The following TSPAN5 variants were observed in gnomAD, a reference collection of about 807,000 sequenced individuals.
TSPAN5 encodes tetraspanin-5.
A neutral mutation model predicts 37.1 loss-of-function variants in TSPAN5; 10 were observed. The ratio of observed to expected loss-of-function variants is 0.27; its 90% confidence interval spans 0.17 to 0.46. The LOEUF (loss-of-function observed/expected upper bound fraction) is 0.46. Ranked by LOEUF, TSPAN5 falls within the 20% of genes least tolerant of loss-of-function variation. The pLI is 1.00. For synonymous variants in TSPAN5, 110 were observed against 118.9 expected (o/e 0.93, Z 0.48); for missense variants, 195 against 326.6 (o/e 0.60, Z 3.11).
intron 1 of TSPAN5, among the ~76,000 whole-genome samples, chr4:98,609,027 G>A (rs1036799078): frequency 1.3e-5 from 2 of 152,020 alleles, no homozygotes; most frequent in African/African-American, 2.4e-5. Context: ...TCTCTTGCAC[G>A]AGACTTACAT....
intron 1 of TSPAN5, among the ~76,000 whole-genome samples, chr4:98,652,145 C>A (rs1205600547): frequency 6.6e-6 from 1 of 152,064 alleles, no homozygotes. Context: ...CAGGTGTAAG[C>A]CCCCAAGCCT....
chr4:98,495,767 T>G (rs1753193576), intron 2 of TSPAN5, among the ~76,000 whole-genome samples: 1 of 147,564 alleles, frequency 6.8e-6, no homozygotes, highest in Non-Finnish European at 1.5e-5. Context: ...AGTGTCTGTG[T>G]TTTTTTTTTT....
intron 1 of TSPAN5, among the ~76,000 whole-genome samples, chr4:98,603,880 C>T (rs1755942354): frequency 6.6e-6 from 1 of 152,196 alleles, no homozygotes; most frequent in African/African-American, 2.4e-5. Context: ...AGAAAAGCCA[C>T]AAAACCCCTC....
intron 5 of TSPAN5, among the ~76,000 whole-genome samples, chr4:98,476,688 G>A (rs751237974): frequency 2.0e-5 from 3 of 152,146 alleles, no homozygotes; most frequent in Non-Finnish European, 4.4e-5. Flanking sequence ...GGAAAACTAA[G>A]GCTTGGGGAA....
chr4:98,586,967 T>C (rs1450526481), intron 1 of TSPAN5, among the ~76,000 whole-genome samples: 2 of 152,206 alleles, frequency 1.3e-5, no homozygotes, highest in Admixed American at 1.3e-4. Context: ...TGCCCTGTCC[T>C]GCCCCTTGGA....
In TSPAN5 at chr4:98,658,408, C is replaced by G; in HGVS notation, c.-182G>C. The stretch of plus-strand genomic sequence containing the variant: ...GGAGAGCGGCTCCCGCACCTCCAGC[C>G]CCTCGCGCGCCGAGGCCGCCGGAGC... On this transcript the variant is annotated 5_prime_UTR_variant, in exon 1 of 8. Transcript: ENST00000305798. 2.8e-6 allele frequency: 1 copy of G among 356,726 alleles called. No homozygotes were observed. The highest frequency in any genetic ancestry group is 4.9e-6 in the Non-Finnish European group (1 of 202,584). 22.1% of individuals were successfully genotyped at this position (356,726 alleles called of 1,614,324 possible).
At chr4:98,561,200 A>G (rs538592658) in intron 1 of TSPAN5, among the ~76,000 whole-genome samples, 1 of 152,328 alleles carries the variant, frequency 6.6e-6, no homozygotes, top group Admixed American at 6.5e-5. Flanking sequence ...TTCACATAAA[A>G]CGGAACACAA....
chr4:98,532,937 T>G (rs185366434), intron 1 of TSPAN5, among the ~76,000 whole-genome samples: 65 of 152,334 alleles, frequency 4.3e-4, no homozygotes, highest in African/African-American at 1.4e-3. Context: ...TCTGCATCTA[T>G]TGAGATAATC....
At chr4:98,506,052 T>C (rs1475167607) in intron 2 of TSPAN5, among the ~76,000 whole-genome samples, 2 of 152,248 alleles carry the variant, frequency 1.3e-5, no homozygotes, top group Non-Finnish European at 2.9e-5. Context: ...AAGATAATTA[T>C]ATTTCATAAA....
chr4:98,622,236 TGCCTG>T lies in TSPAN5; in HGVS notation c.81+35905_81+35909del, dbSNP rs1450997444. 7.9e-5 allele frequency among the ~76,000 whole-genome samples: 12 copies of T among 152,264 alleles called. No homozygotes were observed. The East Asian group carries it at 1.4e-3, about 17-fold the overall frequency. ...CTGGGATTACAGGTGCCCACTACTA[TGCCTG>T]GCTAATTTCTGTATTTTTCATAGAG... On this transcript the variant is annotated intron_variant, in intron 1 of 7. Transcript: ENST00000305798.
chr4:98,554,929 G>C (rs2110160031), intron 1 of TSPAN5, among the ~76,000 whole-genome samples: 1 of 152,316 alleles, frequency 6.6e-6, no homozygotes, highest in African/African-American at 2.4e-5. Context: ...GGGTTGGGGA[G>C]AGGAAGTGAC....
chr4:98,603,687 G>A lies in TSPAN5; in HGVS notation c.81+54459C>T, dbSNP rs149917281. Among the ~76,000 whole-genome samples the A allele has an allele frequency of 3.8e-4, 58 of 152,298 alleles. 1 individual carries two copies. The East Asian group carries it at 8.7e-3, about 23-fold the overall frequency. On this transcript the variant is annotated intron_variant, in intron 1 of 7. Coordinates refer to ENST00000305798, the MANE Select transcript of TSPAN5 (RefSeq NM_005723.4). ...TTAGTGGAACACACACACTCAAGTG[G>A]ATCAGAACTGTCTCAAACAATATAA...
intron 2 of TSPAN5, among the ~76,000 whole-genome samples, chr4:98,491,548 C>T (rs1026856336): frequency 6.6e-6 from 1 of 151,998 alleles, no homozygotes; most frequent in Non-Finnish European, 1.5e-5. Flanking sequence ...ATGAGCTGCA[C>T]GTGGTGGTAC....
In TSPAN5 at chr4:98,551,429, T is replaced by C. The variant is rs1270666365; in HGVS notation, c.82-43701A>G. ...GGGAGAATCCTCTCGTTTTTTTTTT[T>C]TGGAATAGTTTCAGGAGGATTGGTA... is the stretch of plus-strand genomic sequence containing the variant. On this transcript the variant is annotated intron_variant, in intron 1 of 7. Transcript: ENST00000305798. Among the ~76,000 whole-genome samples the C allele has an allele frequency of 1.5e-4, 23 of 151,758 alleles. No homozygotes were observed. In the East Asian group the frequency reaches 4.4e-3, roughly 29 times the overall value.
chr4:98,485,365 G>C (rs1034412934), intron 3 of TSPAN5: 1 of 152,256 alleles, frequency 6.6e-6, no homozygotes. Context: ...GGTTGTGTGT[G>C]TATGAGAGAG....
At chr4:98,649,300 G>A (rs1176635615) in intron 1 of TSPAN5, among the ~76,000 whole-genome samples, 1 of 152,196 alleles carries the variant, frequency 6.6e-6, no homozygotes, top group Non-Finnish European at 1.5e-5. Flanking sequence ...TACGCCTCAA[G>A]GAGGCCTAGG....
In TSPAN5 at chr4:98,651,083, T is replaced by C. The variant is rs534764284; in HGVS notation, c.81+7063A>G. The stretch of plus-strand genomic sequence containing the variant: ...ATTACAAATGAGAAAAGAGTAACTA[T>C]ATGGTAGAGAAGCCTGGCAGACAAC... On this transcript the variant is annotated intron_variant, in intron 1 of 7. Transcript: ENST00000305798. Among the ~76,000 whole-genome samples, 48 of 152,274 alleles carry C rather than the reference T, an allele frequency of 3.2e-4. 1 individual carries two copies. The South Asian group carries it at 9.3e-3, about 30-fold the overall frequency.
intron 1 of TSPAN5, among the ~76,000 whole-genome samples, chr4:98,627,794 T>C (rs1017373922): frequency 2.6e-5 from 4 of 152,262 alleles, no homozygotes; most frequent in South Asian, 2.1e-4. Flanking sequence ...ACAAAAATAA[T>C]GATGGGGTTG....
intron 1 of TSPAN5, among the ~76,000 whole-genome samples, chr4:98,599,492 T>C (rs1197266214): frequency 6.6e-6 from 1 of 152,234 alleles, no homozygotes; most frequent in Non-Finnish European, 1.5e-5. Context: ...TGCATTACCA[T>C]TAAGTGTGTT....
Sources: allele counts gnomAD v4.1 joint callset (sites outside exome capture counted in the v4.1 genomes callset), GRCh38; gene constraint gnomAD v4.1.1; transcripts MANE v1.5; gene names NCBI Gene and HGNC (gene_info 2026-07-23, HGNC 2026-07-21).